The following RTN3 variants were observed in gnomAD, a reference collection of about 807,000 sequenced individuals.
RTN3 encodes the protein reticulon 3, also known as reticulon-3.
RTN3 carries 49 observed loss-of-function variants against 77.8 expected under a neutral mutation model. The ratio of observed to expected loss-of-function variants is 0.63; its 90% CI spans 0.50 to 0.80. The LOEUF is 0.80. Among genes scored for constraint, RTN3 ranks in the 30% least tolerant of loss-of-function variants. The pLI is 0.00. For synonymous variants in RTN3, 464 were observed against 446.9 expected (o/e 1.04, Z -0.48); for missense variants, 1,236 against 1,211.9 (o/e 1.02, Z -0.29).
chr11:63,720,545 G>T lies in RTN3; in HGVS notation c.2043G>T (p.Met681Ile). The change falls in exon 3 of 9, where the codon ATG becomes ATT. Residue 681 changes from methionine (M) to isoleucine (I), a missense_variant. By Grantham distance (10) the Met-to-Ile change is conservative (BLOSUM62 1). This residue lies in a region of RTN3 where 1,056 missense variants were observed against 990.4 expected (regional missense o/e 1.07). Transcript: ENST00000377819. ...RNAFKAISEK[M>I]TDFKTTPPVE... Reference sequence around the variant, plus strand: ...CTTTTAAAGCAATATCAGAGAAGATGACAGACTTTAAAACAACTCCTCCTG... The same window carrying T: ...CTTTTAAAGCAATATCAGAGAAGATTACAGACTTTAAAACAACTCCTCCTG... 1 of 1,614,088 alleles carries T rather than the reference G, an allele frequency of 6.2e-7. No individual in the cohort carries two copies. The highest frequency in any genetic ancestry group is 8.5e-7 in the Non-Finnish European group (1 of 1,180,004).
At position 63,681,509 on chromosome 11, in the gene RTN3, G is replaced by C. The variant is rs1941030976; in HGVS notation, c.-128G>C. 2 of 977,064 alleles carry C rather than the reference G, an allele frequency of 2.0e-6. No individual in the cohort carries two copies. Among genetic ancestry groups the C allele is most frequent in the African/African-American group, 1.7e-5 (1 of 58,420 alleles). The allele number at this position is 977,064 out of a possible 1,614,324, so 60.5% of individuals were successfully genotyped here. ...CTCGGCTGAGTCAGTCAGTCTGTCG[G>C]AGTCTGTCCTCGGAGCAGGCGGAGT... is the stretch of plus-strand genomic sequence containing the variant. On this transcript the variant is annotated 5_prime_UTR_variant, in exon 1 of 9. Transcript: ENST00000377819.
intron 2 of RTN3, among the ~76,000 whole-genome samples, chr11:63,717,981 C>T (rs1290042134): frequency 6.8e-6 from 1 of 146,894 alleles, no homozygotes; most frequent in African/African-American, 2.5e-5. Flanking sequence ...CGCCATTGCA[C>T]TTCAGCCTGG....
rs753815970 is a variant in RTN3, at chr11:63,681,701, C to G, written c.65C>G (p.Pro22Arg). 17 of 1,611,006 alleles carry G rather than the reference C, an allele frequency of 1.1e-5. No individual in the cohort carries two copies. Among genetic ancestry groups the G allele is most frequent in the East Asian group, 2.2e-5 (1 of 44,786 alleles). Reference sequence around the variant, plus strand: ...TCCTCGTCGTCCTTCGGAGCCGAGCCGTCCGCGCCCGGCGGCGGCGGGAGC... The same window carrying G: ...TCCTCGTCGTCCTTCGGAGCCGAGCGGTCCGCGCCCGGCGGCGGCGGGAGC... ...SISSSSFGAE[P>R]SAPGGGGSPG... The change falls in exon 1 of 9, where the codon CCG becomes CGG. Residue 22 changes from proline to arginine, a missense_variant. By Grantham distance (103) the Pro-to-Arg change is moderately radical. Transcript: ENST00000377819.
intron 7 of RTN3, 81 bp downstream of exon 7, chr11:63,753,789 C>A: frequency 1.6e-6 from 2 of 1,267,360 alleles, no homozygotes; most frequent in Non-Finnish European, 1.1e-6. Context: ...ATTGAATGTT[C>A]AGAGCAGTCT....
At position 63,730,520 on chromosome 11, in the gene RTN3, C is replaced by T. The variant is rs570822526; in HGVS notation, c.2530+9488C>T. Among the ~76,000 whole-genome samples, 84 of 152,352 alleles carry T rather than the reference C, an allele frequency of 5.5e-4. 1 individual carries two copies. The highest frequency in any genetic ancestry group is 9.8e-4 in the Non-Finnish European group (67 of 68,026). The stretch of plus-strand genomic sequence containing the variant: ...TGACAGAATTGGCTGGGCAATGGCC[C>T]ATGCCTGTAACCCCAACATTTTGGG... On this transcript the variant is annotated intron_variant, in intron 3 of 8. Transcript: ENST00000377819.
intron 2 of RTN3, among the ~76,000 whole-genome samples, chr11:63,712,230 T>A (rs1300121445): frequency 3.3e-5 from 5 of 152,340 alleles, no homozygotes; most frequent in South Asian, 2.1e-4. Flanking sequence ...TTTGCCAATA[T>A]GCCTTTTCTC....
chr11:63,719,760 C>G lies in RTN3; in HGVS notation c.1258C>G (p.Pro420Ala), dbSNP rs1296371143. 6.2e-7 allele frequency: 1 copy of G among 1,614,112 alleles called. No individual in the cohort carries two copies. Among genetic ancestry groups the G allele is most frequent in the Non-Finnish European group, 8.5e-7 (1 of 1,180,032 alleles). Reference sequence around the variant, plus strand: ...GCAAGAAAATGCTATTACTGGAAAACCTGTACCTGACTCTTTGAATTCCAC... The same window carrying G: ...GCAAGAAAATGCTATTACTGGAAAAGCTGTACCTGACTCTTTGAATTCCAC... ...LQQENAITGK[P>A]VPDSLNSTKE... is the part of the protein sequence containing the mutation. Residue 420 changes from proline (P) to alanine (A), a missense_variant, in exon 3 of 9, where the codon CCT (proline) becomes GCT (alanine). Coordinates refer to ENST00000377819, the MANE Select transcript of RTN3 (RefSeq NM_001265589.2).
Position 63,719,809 on chromosome 11 carries a change from T to TGCAAG in RTN3, c.1312_1316dup (p.Asn439LysfsTer32). On this transcript the variant is annotated frameshift_variant, in exon 3 of 9. Coordinates refer to ENST00000377819, the MANE Select transcript of RTN3 (RefSeq NM_001265589.2). LOFTEE classifies it high-confidence loss of function. The stretch of plus-strand genomic sequence containing the variant: ...ACAAAAGAATTCAGTATCAAAGGTG[T>TGCAAG]GCAAGGCAATATGCAGAAACAGGAT... The TGCAAG allele has an allele frequency of 6.2e-7, 1 of 1,614,206 alleles. No homozygotes were observed. The highest frequency in any genetic ancestry group is 8.5e-7 in the Non-Finnish European group (1 of 1,180,050).
intron 2 of RTN3, among the ~76,000 whole-genome samples, chr11:63,713,761 T>G (rs188610893): frequency 7.2e-5 from 11 of 152,352 alleles, no homozygotes; most frequent in Non-Finnish European, 1.3e-4. Flanking sequence ...ATGTTCATAA[T>G]GAGAGTTTTG....
Position 63,720,090 on chromosome 11 carries a change from GC to G in RTN3, c.1589del (p.Ala530ValfsTer3). ...QAEKPVSIPS[A>X]VVKTGEREIK... The stretch of plus-strand genomic sequence containing the variant: ...TGAAAAACCTGTTTCCATTCCAAGT[GC>G]TGTTGTAAAAACAGGTGAAAGAGAA... On this transcript the variant is annotated frameshift_variant, in exon 3 of 9. Transcript: ENST00000377819. LOFTEE classifies it high-confidence loss of function. 1.2e-6 allele frequency: 2 copies of G among 1,613,690 alleles called. No homozygotes were observed. Among genetic ancestry groups the G allele is most frequent in the Non-Finnish European group, 1.7e-6 (2 of 1,179,926 alleles).
At chr11:63,728,152 T>C (rs141603744) in intron 3 of RTN3, among the ~76,000 whole-genome samples, 33 of 152,224 alleles carry the variant, frequency 2.2e-4, no homozygotes, top group African/African-American at 8.0e-4. Flanking sequence ...CTTCCAGGTA[T>C]TGAATGGAGT....
intron 2 of RTN3, 28 bp from the exon 3 acceptor site, chr11:63,718,674 A>G (rs748196342): frequency 4.0e-6 from 6 of 1,512,694 alleles, no homozygotes; most frequent in Admixed American, 2.4e-5. Flanking sequence ...CTGGTAAACA[A>G]TTTTTTTCTT....
intron 3 of RTN3, among the ~76,000 whole-genome samples, chr11:63,722,589 T>G (rs544531431): frequency 6.6e-6 from 1 of 152,298 alleles, no homozygotes; most frequent in East Asian, 1.9e-4. Flanking sequence ...CACTAACAAT[T>G]ATCAGTGAAA....
At chr11:63,689,923 A>C (rs570679539) in intron 1 of RTN3, among the ~76,000 whole-genome samples, 1 of 151,704 alleles carries the variant, frequency 6.6e-6, no homozygotes, top group African/African-American at 2.4e-5. Flanking sequence ...ATGCCCAGCT[A>C]ATTTTTGTAT....
At chr11:63,718,170 T>C (rs1217475545) in intron 2 of RTN3, among the ~76,000 whole-genome samples, 1 of 152,170 alleles carries the variant, frequency 6.6e-6, no homozygotes, top group African/African-American at 2.4e-5. Flanking sequence ...GAAGGGCCCA[T>C]TGCATCTCCT....
chr11:63,689,983 C>G (rs929796694), intron 1 of RTN3, among the ~76,000 whole-genome samples: 4 of 152,050 alleles, frequency 2.6e-5, no homozygotes, highest in African/African-American at 9.7e-5. Flanking sequence ...GTCCCGAACT[C>G]CTGACCTCAA....
At chr11:63,707,459 TTA>T (rs1942552060) in intron 2 of RTN3, among the ~76,000 whole-genome samples, 1 of 152,354 alleles carries the variant, frequency 6.6e-6, no homozygotes, top group East Asian at 1.9e-4. Flanking sequence ...CAGCATACAC[TTA>T]TTCTTCCTTT....
At chr11:63,701,424 T>C (rs946581166) in intron 1 of RTN3, among the ~76,000 whole-genome samples, 3 of 152,152 alleles carry the variant, frequency 2.0e-5, no homozygotes, top group African/African-American at 7.2e-5. Context: ...AAAAGTCCCA[T>C]ATTTTATTTA....
intron 8 of RTN3, among the ~76,000 whole-genome samples, chr11:63,756,605 C>G (rs909603350): frequency 6.6e-5 from 10 of 152,140 alleles, no homozygotes; most frequent in African/African-American, 2.2e-4. Context: ...AAAAAAAGAT[C>G]AGTGGAATTT....
Sources: gnomAD v4.1 joint callset for allele counts (sites outside exome capture counted in the v4.1 genomes callset) on GRCh38, gnomAD v4.1.1 for gene constraint, gnomAD v4.1.1 regional missense constraint, MANE v1.5 for transcripts, NCBI Gene and HGNC (gene_info 2026-07-23, HGNC 2026-07-21) for gene names.